The following PPHLN1 variants were observed in gnomAD, a reference collection of about 807,000 sequenced individuals.
The protein encoded by PPHLN1 is periphilin-1.
In PPHLN1, 29 loss-of-function variants were observed where a neutral mutation model predicts 51.3. That is an observed-to-expected ratio of 0.57 (90% CI 0.42 to 0.77). The LOEUF (loss-of-function observed/expected upper bound fraction) is 0.77, where lower values mean the gene tolerates loss of function less well. Among genes scored for constraint, PPHLN1 ranks in the 30% least tolerant of loss-of-function variants. PPHLN1 has a pLI of 0.00. For synonymous variants in PPHLN1, 147 were observed against 147.8 expected, an observed-to-expected ratio of 0.99 and a Z score of 0.04; for missense variants, 436 against 438.4, an observed-to-expected ratio of 0.99 and a Z score of 0.05.
rs577138550 is a variant in PPHLN1, at chr12:42,437,523, A to T, written c.910-3792A>T. On this transcript the variant is annotated intron_variant, in intron 9 of 9. Coordinates refer to ENST00000358314, the MANE Select transcript of PPHLN1 (RefSeq NM_201439.2). Reference sequence around the variant, plus strand: ...GTGATTATTTTTGGGAAAAAAATTTAATTTTATTTTTTGGAGCTGTTTTAG... The same window carrying T: ...GTGATTATTTTTGGGAAAAAAATTTTATTTTATTTTTTGGAGCTGTTTTAG... Among the ~76,000 whole-genome samples, 18 of 152,188 alleles carry T rather than the reference A, an allele frequency of 1.2e-4. No individual in the cohort carries two copies. The South Asian group carries it at 1.9e-3, about 16-fold the overall frequency.
chr12:42,444,833 C>T (rs183435519), downstream of PPHLN1: 2 of 554,014 alleles, frequency 3.6e-6, no homozygotes, highest in African/African-American at 1.9e-5. Context: ...TAGTTTCCTC[C>T]CCCATACCTA....
At position 42,368,205 on chromosome 12, in the gene PPHLN1, C is replaced by A. The variant is rs1455108363; in HGVS notation, c.300-6658C>A. 2.0e-5 allele frequency among the ~76,000 whole-genome samples: 3 copies of A among 152,056 alleles called. No homozygotes were observed. In the East Asian group the frequency reaches 5.8e-4, roughly 29 times the overall value. On this transcript the variant is annotated intron_variant, in intron 4 of 9. Coordinates refer to ENST00000358314, the MANE Select transcript of PPHLN1 (RefSeq NM_201439.2). ...CAAAATGGCTCTTCCTGCATACTTA[C>A]AAATTTTTTTTTCTTACAGTTGTTT...
In PPHLN1 at chr12:42,428,941, G is replaced by C. The variant is rs552631260; in HGVS notation, c.910-12374G>C. On this transcript the variant is annotated intron_variant, in intron 9 of 9. Coordinates refer to ENST00000358314, the MANE Select transcript of PPHLN1 (RefSeq NM_201439.2). ...GATGGATGTTTTGGACATGACTTGG[G>C]AAATGTGCAAATTAAGCCTACTCCT... Among the ~76,000 whole-genome samples the C allele has an allele frequency of 3.3e-5, 5 of 151,528 alleles. 1 individual carries two copies. The highest frequency in any genetic ancestry group is 9.7e-5 in the African/African-American group (4 of 41,282).
At chr12:42,349,987 C>T (rs1237333704) in intron 2 of PPHLN1, among the ~76,000 whole-genome samples, 1 of 146,028 alleles carries the variant, frequency 6.8e-6, no homozygotes, top group East Asian at 2.2e-4. Context: ...GGTGGCGGGG[C>T]AGAGGGGGCC....
chr12:42,411,810 C>G (rs1461880471), intron 9 of PPHLN1, among the ~76,000 whole-genome samples: 2 of 144,944 alleles, frequency 1.4e-5, no homozygotes, highest in African/African-American at 5.1e-5. Flanking sequence ...GAGGCTGAGG[C>G]ACGAGAATCG....
At position 42,384,937 on chromosome 12, in the gene PPHLN1, T is replaced by A; in HGVS notation, c.512-3T>A. 2 of 1,607,298 alleles carry A rather than the reference T, an allele frequency of 1.2e-6. No individual in the cohort carries two copies. The highest frequency in any genetic ancestry group is 1.7e-6 in the Non-Finnish European group (2 of 1,173,766). On this transcript the variant is annotated splice_polypyrimidine_tract_variant and splice_region_variant and intron_variant, in intron 5 of 9. Transcript: ENST00000358314. Reference sequence around the variant, plus strand: ...TAATTCCTCCCTGCCCACCTTTCCATAGAGTCCGTGCGTCCTGGTGCCTCC... The same window carrying A: ...TAATTCCTCCCTGCCCACCTTTCCAAAGAGTCCGTGCGTCCTGGTGCCTCC...
At chr12:42,387,929 T>G (rs1264539124) in intron 7 of PPHLN1, among the ~76,000 whole-genome samples, 2 of 152,214 alleles carry the variant, frequency 1.3e-5, no homozygotes, top group East Asian at 3.8e-4. Flanking sequence ...TGTGCCTTGT[T>G]AACAAAATAT....
chr12:42,427,149 TATTAA>T (rs773832197), intron 9 of PPHLN1, among the ~76,000 whole-genome samples: 1 of 152,196 alleles, frequency 6.6e-6, no homozygotes, highest in Non-Finnish European at 1.5e-5. Context: ...TTTCTGATAA[TATTAA>T]ATTATTTCAT....
intron 9 of PPHLN1, among the ~76,000 whole-genome samples, chr12:42,420,636 AC>A (rs1465245567): frequency 2.7e-5 from 4 of 146,000 alleles, no homozygotes; most frequent in Non-Finnish European, 6.0e-5. Context: ...ACACCCAGCT[AC>A]ATATCCTTCC....
chr12:42,423,341 TATTA>T (rs1276552822), intron 9 of PPHLN1, among the ~76,000 whole-genome samples: 6 of 152,104 alleles, frequency 3.9e-5, no homozygotes, highest in East Asian at 1.9e-4. Context: ...TTATTTTAAA[TATTA>T]ATTAATTTTA....
At chr12:42,395,305 G>A (rs1035616811) in intron 8 of PPHLN1, among the ~76,000 whole-genome samples, 1 of 152,112 alleles carries the variant, frequency 6.6e-6, no homozygotes, top group African/African-American at 2.4e-5. Context: ...AGATATGTGA[G>A]AGTAGCACTG....
At chr12:42,372,174 T>C (rs1245887319) in intron 4 of PPHLN1, among the ~76,000 whole-genome samples, 1 of 152,160 alleles carries the variant, frequency 6.6e-6, no homozygotes, top group Non-Finnish European at 1.5e-5. Context: ...ATTACCACTT[T>C]ATCAAAAAGG....
downstream of PPHLN1, chr12:42,445,991 C>T (rs2083293901): frequency 1.3e-6 from 2 of 1,516,242 alleles, no homozygotes; most frequent in East Asian, 4.9e-5. Flanking sequence ...TGGATTCCAG[C>T]ACGACGCATC....
intron 2 of PPHLN1, among the ~76,000 whole-genome samples, chr12:42,337,643 T>A (rs1222470064): frequency 6.6e-6 from 1 of 151,888 alleles, no homozygotes; most frequent in Non-Finnish European, 1.5e-5. Flanking sequence ...CAGGCTGGAG[T>A]GCAGTGGTGC....
intron 5 of PPHLN1, among the ~76,000 whole-genome samples, chr12:42,379,133 A>G (rs1796353): frequency 0.96 from 146,469 of 151,900 alleles, 70,863 homozygotes; most frequent in Middle Eastern, 1. Context: ...TCTTTGAAAT[A>G]ATCCCATGTT....
chr12:42,393,644 A>G lies in PPHLN1; in HGVS notation c.723A>G (p.Leu241=), dbSNP rs1372387626. Reference sequence around the variant, plus strand: ...CAAGCAAGTGGGCTGCTGAAAAGCTAGAGAAATCAGATGAAAGTAACTTGC... The same window carrying G: ...CAAGCAAGTGGGCTGCTGAAAAGCTGGAGAAATCAGATGAAAGTAACTTGC... ...EAASKWAAEK[L]EKSDESNLPE... Residue 241 remains leucine, a synonymous_variant, in exon 8 of 10, where the codon CTA becomes CTG. Transcript: ENST00000358314. 7 of 1,611,538 alleles carry G rather than the reference A, an allele frequency of 4.3e-6. No homozygotes were observed. In the South Asian group the frequency reaches 6.6e-5, roughly 15 times the overall value.
intron 9 of PPHLN1, among the ~76,000 whole-genome samples, chr12:42,408,551 A>G (rs1032057543): frequency 6.6e-6 from 1 of 152,210 alleles, no homozygotes; most frequent in Non-Finnish European, 1.5e-5. Flanking sequence ...GGTAAGTAGC[A>G]TAGGAACTTT....
chr12:42,349,923 C>A (rs1238571419), intron 2 of PPHLN1, among the ~76,000 whole-genome samples: 1 of 152,166 alleles, frequency 6.6e-6, no homozygotes, highest in African/African-American at 2.4e-5. Flanking sequence ...CTGTTGGGTA[C>A]ACCTCCCAGA....
intron 9 of PPHLN1, among the ~76,000 whole-genome samples, chr12:42,419,913 G>A (rs952689176): frequency 2.6e-5 from 4 of 152,188 alleles, no homozygotes; most frequent in African/African-American, 4.8e-5. Flanking sequence ...GGATAGTTGC[G>A]AGTGTGTTCA....
Sources: gnomAD v4.1 joint callset for allele counts (sites outside exome capture counted in the v4.1 genomes callset) on GRCh38, gnomAD v4.1.1 for gene constraint, MANE v1.5 for transcripts, NCBI Gene and HGNC (gene_info 2026-07-23, HGNC 2026-07-21) for gene names.